The following DEPDC4 variants were observed in gnomAD, a reference collection of about 807,000 sequenced individuals.
DEPDC4 encodes the protein DEP domain containing 4.
In DEPDC4, 52 loss-of-function variants were observed where a neutral mutation model predicts 52.0. The ratio of observed to expected loss-of-function variants is 1.00; its 90% CI spans 0.80 to 1.26. The LOEUF (loss-of-function observed/expected upper bound fraction) is 1.26. DEPDC4 is among the 50% of genes most tolerant of loss of function. DEPDC4 has a pLI of 0.00. For synonymous variants in DEPDC4, 201 were observed against 196.8 expected (o/e 1.02, Z -0.18); for missense variants, 530 against 546.9 (o/e 0.97, Z 0.31).
chr12:100,265,486 C>T (rs1484583136), intron 1 of DEPDC4, among the ~76,000 whole-genome samples: 1 of 152,012 alleles, frequency 6.6e-6, no homozygotes, highest in African/African-American at 2.4e-5. Flanking sequence ...ATCCCAGCTA[C>T]TTGGGAAGCT....
intron 9 of DEPDC4, among the ~76,000 whole-genome samples, chr12:100,233,419 CTT>C (rs1042245171): frequency 1.3e-5 from 2 of 152,336 alleles, no homozygotes; most frequent in South Asian, 2.1e-4. Context: ...TCACGACCAA[CTT>C]TAAATACTGC....
upstream of DEPDC4, among the ~76,000 whole-genome samples, chr12:100,268,967 C>T (rs1187840665): frequency 2.6e-5 from 4 of 152,142 alleles, no homozygotes; most frequent in Non-Finnish European, 5.9e-5. Context: ...TAGTCCTGTT[C>T]CAAGCCACCA....
At chr12:100,270,713 G>A (rs545897657), upstream of DEPDC4, among the ~76,000 whole-genome samples, 1 of 150,668 alleles carries the variant, frequency 6.6e-6, no homozygotes, top group East Asian at 1.9e-4. Flanking sequence ...GAGCTCAAGT[G>A]ATCCTCCTGC....
downstream of DEPDC4, among the ~76,000 whole-genome samples, chr12:100,238,584 C>A (rs1341928517): frequency 6.8e-6 from 1 of 147,150 alleles, no homozygotes; most frequent in Non-Finnish European, 1.5e-5. Flanking sequence ...CTCCTGGGCT[C>A]AAGTGATCCT....
rs2096276501 is a variant in DEPDC4 at position 100,266,905 on chromosome 12, G to A, written c.157+15C>T. On this transcript the variant is annotated intron_variant, in intron 1 of 9. Coordinates refer to ENST00000550587, the MANE Select transcript of DEPDC4 (RefSeq NM_001364818.2). ...CCACCTTCACTGCACATTTGGCTAGGATATACAGGGCTACCTGTCCTCCTT... is the reference window on the plus strand; with the variant it reads ...CCACCTTCACTGCACATTTGGCTAGAATATACAGGGCTACCTGTCCTCCTT... 6.2e-7 allele frequency: 1 copy of A among 1,611,258 alleles called. No homozygotes were observed. Among genetic ancestry groups the A allele is most frequent in the Non-Finnish European group, 8.5e-7 (1 of 1,178,486 alleles).
chr12:100,244,091 C>CTATA (rs2096172627), intron 8 of DEPDC4, among the ~76,000 whole-genome samples: 1 of 34,988 alleles, frequency 2.9e-5, no homozygotes, highest in Non-Finnish European at 5.3e-5. Flanking sequence ...CTCTCTCTCT[C>CTATA]TGTGTATATA....
At chr12:100,249,246 A>G (rs2096198297) in intron 7 of DEPDC4, among the ~76,000 whole-genome samples, 1 of 152,232 alleles carries the variant, frequency 6.6e-6, no homozygotes, top group South Asian at 2.1e-4. Context: ...CTCCTATAAC[A>G]ATAAAAATTA....
At chr12:100,277,066 A>C in the DEPDC4 span, among the ~76,000 whole-genome samples, 148 of 152,226 alleles carry the variant, frequency 9.7e-4, no homozygotes, top group Non-Finnish European at 1.8e-3. Flanking sequence ...TTAATCTATT[A>C]TTGATTTCTA....
At chr12:100,270,622 T>C (rs1235259943), upstream of DEPDC4, among the ~76,000 whole-genome samples, 2 of 136,122 alleles carry the variant, frequency 1.5e-5, no homozygotes, top group Non-Finnish European at 3.2e-5. Context: ...CATGTTGCTT[T>C]CTTTTTTTTT....
At chr12:100,259,081 A>ATATATATATAT (rs1555312803) in intron 3 of DEPDC4, among the ~76,000 whole-genome samples, 4 of 149,092 alleles carry the variant, frequency 2.7e-5, no homozygotes, top group Non-Finnish European at 3.0e-5. Flanking sequence ...AAAAAAAAAA[A>ATATATATATAT]ATATATATAT....
At chr12:100,269,594 T>C (rs904729943), upstream of DEPDC4, among the ~76,000 whole-genome samples, 3 of 152,186 alleles carry the variant, frequency 2.0e-5, no homozygotes, top group Non-Finnish European at 2.9e-5. Flanking sequence ...TTAATCCTTA[T>C]AACAATCACT....
intron 8 of DEPDC4, among the ~76,000 whole-genome samples, chr12:100,244,390 C>T (rs192949920): frequency 1.6e-4 from 24 of 151,364 alleles, no homozygotes; most frequent in Admixed American, 1.5e-3. Flanking sequence ...ACTGTGTTAG[C>T]CAGGACGGTA....
chr12:100,241,855 A>AC lies in DEPDC4; in HGVS notation c.*47-11_*47-10insG. 11 of 1,197,486 alleles carry AC rather than the reference A, an allele frequency of 9.2e-6. No individual in the cohort carries two copies. The highest frequency in any genetic ancestry group is 8.4e-6 in the Non-Finnish European group (8 of 948,928). The allele number at this position is 1,197,486 out of a possible 1,614,324, so 74.2% of individuals were successfully genotyped here. A position where few individuals can be genotyped will look rare whatever the true frequency, so the allele number is the denominator to read the frequency against. ...TGGCAAAACGTAAAGCCTGGAAAAA[A>AC]AAAAAAAAAACAAAAGAAAAAGAAA... On this transcript the variant is annotated splice_polypyrimidine_tract_variant and intron_variant, in intron 9 of 9. Transcript: ENST00000550587.
the DEPDC4 span, among the ~76,000 whole-genome samples, chr12:100,273,827 T>A: frequency 6.6e-6 from 1 of 152,236 alleles, no homozygotes; most frequent in Non-Finnish European, 1.5e-5. Flanking sequence ...TTTGGAGGAC[T>A]GAGTCTGCTA....
At chr12:100,281,031 T>TTG in the DEPDC4 span, among the ~76,000 whole-genome samples, 8 of 133,742 alleles carry the variant, frequency 6.0e-5, no homozygotes, top group African/African-American at 2.3e-4. Context: ...TTTTTTTTTT[T>TTG]TTTTTTTTTT....
At chr12:100,258,946 CTGTAA>C (rs2096243973) in intron 3 of DEPDC4, among the ~76,000 whole-genome samples, 1 of 151,896 alleles carries the variant, frequency 6.6e-6, no homozygotes, top group African/African-American at 2.4e-5. Context: ...TGGTGTGTGC[CTGTAA>C]TCCCAGCTAC....
downstream of DEPDC4, among the ~76,000 whole-genome samples, chr12:100,239,875 C>G (rs2096151876): frequency 6.6e-6 from 1 of 152,066 alleles, no homozygotes; most frequent in Non-Finnish European, 1.5e-5. Flanking sequence ...GACTCCATCT[C>G]TACAAAAACA....
chr12:100,265,872 T>G (rs539641214), intron 1 of DEPDC4, among the ~76,000 whole-genome samples: 3 of 152,290 alleles, frequency 2.0e-5, no homozygotes, highest in Non-Finnish European at 4.4e-5. Flanking sequence ...ACGAGTAACC[T>G]TGGGGAAGAA....
chr12:100,255,250 C>G (rs1003303412), intron 4 of DEPDC4, among the ~76,000 whole-genome samples: 2 of 152,178 alleles, frequency 1.3e-5, no homozygotes, highest in Non-Finnish European at 2.9e-5. Flanking sequence ...TTTCTGGTGT[C>G]CCTATACTAT....
Sources: allele counts gnomAD v4.1 joint callset (sites outside exome capture counted in the v4.1 genomes callset), GRCh38; gene constraint gnomAD v4.1.1; transcripts MANE v1.5; gene names NCBI Gene and HGNC (gene_info 2026-07-23, HGNC 2026-07-21).